The following PPARD variants were observed in gnomAD, a reference collection of about 807,000 sequenced individuals.
PPARD encodes the protein peroxisome proliferator activated receptor delta, also known as peroxisome proliferator-activated receptor delta.
PPARD carries 6 observed loss-of-function variants against 39.5 expected under a neutral mutation model. The ratio of observed to expected loss-of-function variants is 0.15; its 90% CI spans 0.08 to 0.30. The LOEUF is 0.30. Ranked by LOEUF, PPARD falls within the 10% of genes least tolerant of loss-of-function variation. The probability of loss-of-function intolerance (pLI) is 1.00; values close to 1 mark genes in which losing one functional copy is unlikely to be tolerated. For synonymous variants in PPARD, 210 were observed against 231.3 expected, an observed-to-expected ratio of 0.91 and a Z score of 0.83; for missense variants, 397 against 596.8, an observed-to-expected ratio of 0.67 and a Z score of 3.49.
chr6:35,371,212 G>T (rs776984568), intron 2 of PPARD, among the ~76,000 whole-genome samples: 9 of 152,172 alleles, frequency 5.9e-5, no homozygotes, highest in African/African-American at 9.7e-5. Flanking sequence ...AGAAGAAAGA[G>T]ACTGGACCCT....
intron 2 of PPARD, among the ~76,000 whole-genome samples, chr6:35,383,012 C>T (rs1763239479): frequency 6.6e-6 from 1 of 152,190 alleles, no homozygotes; most frequent in South Asian, 2.1e-4. Context: ...TTGGATGCCA[C>T]ATTAAGGAGT....
At chr6:35,355,318 C>T (rs1038131110) in intron 2 of PPARD, among the ~76,000 whole-genome samples, 4 of 151,868 alleles carry the variant, frequency 2.6e-5, no homozygotes, top group African/African-American at 4.8e-5. Flanking sequence ...GGCACGGTGG[C>T]GCACACCTGT....
In PPARD at chr6:35,425,741, G is replaced by A. The variant is rs938509460; in HGVS notation, c.1079-91G>A. ...TGGTCTGTCACGGCCAAGGAGGCCT[G>A]CCGTCCCCTGGGCCAAGTCACCTCT... On this transcript the variant is annotated intron_variant, in intron 7 of 7. Transcript: ENST00000360694. This position sits in a 1 kb window ranked among gnomAD's most constrained non-coding sequence, Gnocchi z 4.5. The A allele has an allele frequency of 1.0e-5, 16 of 1,545,466 alleles. No individual in the cohort carries two copies. The highest frequency in any genetic ancestry group is 1.4e-5 in the African/African-American group (1 of 73,880).
intron 2 of PPARD, among the ~76,000 whole-genome samples, chr6:35,347,371 A>T (rs1329032855): frequency 6.6e-6 from 1 of 152,138 alleles, no homozygotes; most frequent in Non-Finnish European, 1.5e-5. Context: ...GAGCATGGAG[A>T]TTCCCACCTT....
intron 3 of PPARD, among the ~76,000 whole-genome samples, chr6:35,415,534 C>T (rs1207661704): frequency 6.6e-6 from 1 of 152,222 alleles, no homozygotes; most frequent in Admixed American, 6.5e-5. Flanking sequence ...ACTTTACTCT[C>T]TGGGTGAGAG....
chr6:35,358,745 G>T (rs1433760643), intron 2 of PPARD, among the ~76,000 whole-genome samples: 1 of 152,180 alleles, frequency 6.6e-6, no homozygotes, highest in African/African-American at 2.4e-5. Context: ...GACCAGTGAG[G>T]ATGTAGGATT....
intron 2 of PPARD, among the ~76,000 whole-genome samples, chr6:35,395,623 AGG>A (rs1764267111): frequency 6.6e-6 from 1 of 152,248 alleles, no homozygotes; most frequent in African/African-American, 2.4e-5. Flanking sequence ...GAAAAGGTGC[AGG>A]CCAAGACTTG....
At chr6:35,376,677 G>T (rs1199056695) in intron 2 of PPARD, among the ~76,000 whole-genome samples, 1 of 152,056 alleles carries the variant, frequency 6.6e-6, no homozygotes, top group Non-Finnish European at 1.5e-5. Context: ...CCCTAGTAGT[G>T]TAAGTTCAGT....
chr6:35,345,811 CT>C (rs1281182145), intron 1 of PPARD, among the ~76,000 whole-genome samples: 6 of 151,422 alleles, frequency 4.0e-5, no homozygotes, highest in Non-Finnish European at 8.8e-5. Context: ...CCTGCAGATT[CT>C]GGCACATCCT....
In PPARD at chr6:35,404,998, TGTAC is replaced by T. The variant is rs995034327; in HGVS notation, c.-101-5988_-101-5985del. Among the ~76,000 whole-genome samples, 16 of 139,678 alleles carry T rather than the reference TGTAC, an allele frequency of 1.1e-4. 1 individual carries two copies. Among genetic ancestry groups the T allele is most frequent in the Admixed American group, 8.8e-4 (12 of 13,626 alleles). 91.6% of individuals were successfully genotyped at this position (139,678 alleles called of 152,430 possible). ...GTGTGTGTGTGTGTGTGTGTGTGTG[TGTAC>T]ACACATACATATATGTCAGAATTGG... On this transcript the variant is annotated intron_variant, in intron 2 of 7. Transcript: ENST00000360694.
chr6:35,348,489 T>C (rs993367449), intron 2 of PPARD: 116 of 985,450 alleles, frequency 1.2e-4, no homozygotes, highest in Middle Eastern at 1.0e-3. Context: ...ACAATGTTCA[T>C]TGTCCTATTT....
Position 35,400,482 on chromosome 6 carries a change from G to A in PPARD, c.-101-10505G>A, listed in dbSNP as rs1258103569. On this transcript the variant is annotated intron_variant, in intron 2 of 7. Transcript: ENST00000360694. ...TGAGCTAGCCAGGTGCCCTTAAAGG[G>A]CTGTCCTAGTCTTAATTGTTTGTAA... 3.3e-5 allele frequency among the ~76,000 whole-genome samples: 5 copies of A among 152,260 alleles called. No individual in the cohort carries two copies. In the South Asian group the frequency reaches 8.3e-4, roughly 25 times the overall value.
chr6:35,390,034 C>T (rs1763918615), intron 2 of PPARD, among the ~76,000 whole-genome samples: 1 of 152,220 alleles, frequency 6.6e-6, no homozygotes. Context: ...CTTTATCTGT[C>T]CTTCAGAGAG....
chr6:35,369,633 A>G (rs1182507253), intron 2 of PPARD, among the ~76,000 whole-genome samples: 2 of 152,238 alleles, frequency 1.3e-5, no homozygotes, highest in African/African-American at 2.4e-5. Flanking sequence ...TGCTTTAAAC[A>G]TTTATATCCT....
At chr6:35,358,747 T>C (rs1362865912) in intron 2 of PPARD, among the ~76,000 whole-genome samples, 1 of 152,202 alleles carries the variant, frequency 6.6e-6, no homozygotes, top group African/African-American at 2.4e-5. Context: ...CCAGTGAGGA[T>C]GTAGGATTAT....
chr6:35,372,322 C>G (rs1303154744), intron 2 of PPARD, among the ~76,000 whole-genome samples: 1 of 152,198 alleles, frequency 6.6e-6, no homozygotes, highest in African/African-American at 2.4e-5. Context: ...GGTTTACAGG[C>G]TCCCGCCACC....
intron 2 of PPARD, among the ~76,000 whole-genome samples, chr6:35,374,345 T>C (rs550712861): frequency 2.6e-5 from 4 of 151,218 alleles, no homozygotes; most frequent in Admixed American, 6.6e-5. Context: ...GCTTTTTGGA[T>C]TTTTGTTTTG....
In PPARD at chr6:35,420,210, A is replaced by G. The variant is rs763849875; in HGVS notation, c.214A>G (p.Met72Val). The G allele has an allele frequency of 6.2e-7, 1 of 1,612,184 alleles. No individual in the cohort carries two copies. The highest frequency in any genetic ancestry group is 1.1e-5 in the South Asian group (1 of 90,860). ...CDGASCGSLN[M>V]ECRVCGDKAS... is the part of the protein sequence containing the mutation. ...CGGGGCCTCATGCGGCAGCCTCAAC[A>G]TGGAGTGCCGGGTGTGCGGGGACAA... The change falls in exon 4 of 8, where the codon ATG becomes GTG. Residue 72 changes from methionine to valine, a missense_variant. Met to Val is a conservative substitution (Grantham distance 21, BLOSUM62 1). Coordinates refer to ENST00000360694, the MANE Select transcript of PPARD (RefSeq NM_006238.5).
At chr6:35,375,468 G>T (rs573161470) in intron 2 of PPARD, among the ~76,000 whole-genome samples, 1 of 152,028 alleles carries the variant, frequency 6.6e-6, no homozygotes, top group Non-Finnish European at 1.5e-5. Context: ...CACCCACCTC[G>T]GCCTCCCAAA....
Sources: allele counts gnomAD v4.1 joint callset (sites outside exome capture counted in the v4.1 genomes callset), GRCh38; gene constraint gnomAD v4.1.1; non-coding constraint Gnocchi (gnomAD v3.1); transcripts MANE v1.5; gene names NCBI Gene and HGNC (gene_info 2026-07-23, HGNC 2026-07-21).